The following KCNH8 variants were observed in gnomAD, a reference collection of about 807,000 sequenced individuals.
KCNH8 encodes voltage-gated delayed rectifier potassium channel KCNH8.
Under a neutral mutation model 103.6 loss-of-function variants are expected in KCNH8, and 70 were observed. That is an observed-to-expected ratio of 0.68 (90% CI 0.56 to 0.82). KCNH8 has a LOEUF of 0.82. KCNH8 is among the 40% of genes least tolerant of loss of function. The pLI is 0.00. For synonymous variants in KCNH8, 498 were observed against 489.4 expected, an observed-to-expected ratio of 1.02 and a Z score of -0.23; for missense variants, 1,217 against 1,329.9, an observed-to-expected ratio of 0.92 and a Z score of 1.32.
At chr3:19,186,526 G>T (rs1394169152) in intron 1 of KCNH8, among the ~76,000 whole-genome samples, 1 of 151,870 alleles carries the variant, frequency 6.6e-6, no homozygotes, top group Admixed American at 6.6e-5. Context: ...TCTGTGCCCT[G>T]CCCTCACATG....
chr3:19,332,083 G>A (rs149285068), intron 3 of KCNH8, among the ~76,000 whole-genome samples: 37 of 145,596 alleles, frequency 2.5e-4, no homozygotes, highest in East Asian at 1.4e-3. Context: ...TACACTTCAC[G>A]TGTGTGAACT....
chr3:19,391,548 T>A (rs577562801), intron 6 of KCNH8: 2 of 152,210 alleles, frequency 1.3e-5, no homozygotes, highest in African/African-American at 4.8e-5. Flanking sequence ...TTTTAAATAT[T>A]AAACACAATA....
intron 1 of KCNH8, among the ~76,000 whole-genome samples, chr3:19,200,583 T>C (rs1245900217): frequency 1.3e-5 from 2 of 151,936 alleles, no homozygotes; most frequent in African/African-American, 2.4e-5. Flanking sequence ...AACCATGGTT[T>C]TCAATTTTAC....
chr3:19,427,953 G>A lies in KCNH8; in HGVS notation c.1178-10211G>A, dbSNP rs115092375. Among the ~76,000 whole-genome samples, 1,314 of 152,248 alleles carry A rather than the reference G, an allele frequency of 8.6e-3. 26 individuals are homozygous for A. Among genetic ancestry groups the A allele is most frequent in the African/African-American group, 0.03 (1,230 of 41,544 alleles). ...TAGCTATTTCTATGAAAGAGATGAAGTCAGTCAGAAGTTCATTAATATCAA... is the reference window on the plus strand; with the variant it reads ...TAGCTATTTCTATGAAAGAGATGAAATCAGTCAGAAGTTCATTAATATCAA... On this transcript the variant is annotated intron_variant, in intron 7 of 15. Transcript: ENST00000328405.
chr3:19,301,872 AC>A (rs2065068603), intron 3 of KCNH8, among the ~76,000 whole-genome samples: 1 of 152,190 alleles, frequency 6.6e-6, no homozygotes, highest in African/African-American at 2.4e-5. Flanking sequence ...CACTTTATTT[AC>A]ATTTACTAGT....
chr3:19,534,010 T>C lies in KCNH8; in HGVS notation c.3235T>C (p.Ser1079Pro). Residue 1079 changes from serine to proline, a missense_variant, in exon 16 of 16, where the codon TCA becomes CCA. Ser to Pro is a moderately conservative substitution (Grantham distance 74, BLOSUM62 -1). Around this residue, in one of 3 missense-constraint regions of KCNH8, gnomAD observed 558 missense variants for 495.8 expected, o/e 1.13. Coordinates refer to ENST00000328405, the MANE Select transcript of KCNH8 (RefSeq NM_144633.3). ...PGSWNQEGMA[S>P]ASTKPLENLP... ...ATCTTGGAACCAGGAAGGAATGGCA[T>C]CAGCTTCTACAAAACCTTTGGAGAA... The C allele has an allele frequency of 6.2e-7, 1 of 1,614,196 alleles. No individual in the cohort carries two copies. Among genetic ancestry groups the C allele is most frequent in the Non-Finnish European group, 8.5e-7 (1 of 1,180,032 alleles).
intron 7 of KCNH8, among the ~76,000 whole-genome samples, chr3:19,433,862 T>C (rs1012732507): frequency 2.6e-5 from 4 of 152,200 alleles, no homozygotes; most frequent in Non-Finnish European, 5.9e-5. Context: ...GCCTTATCCT[T>C]GATCACATCT....
chr3:19,392,800 C>T (rs1261108653), intron 6 of KCNH8, among the ~76,000 whole-genome samples: 2 of 151,952 alleles, frequency 1.3e-5, no homozygotes, highest in African/African-American at 4.8e-5. Flanking sequence ...ATGAATAAGA[C>T]ATAGGAATGT....
chr3:19,353,032 A>T (rs1313355941), intron 5 of KCNH8, among the ~76,000 whole-genome samples: 1 of 152,150 alleles, frequency 6.6e-6, no homozygotes, highest in African/African-American at 2.4e-5. Context: ...AATAGTCGCA[A>T]TAAAAATGAT....
At chr3:19,447,633 A>T (rs2067382015) in intron 8 of KCNH8, among the ~76,000 whole-genome samples, 1 of 152,060 alleles carries the variant, frequency 6.6e-6, no homozygotes, top group South Asian at 2.1e-4. Flanking sequence ...TAAGTATATT[A>T]AGGGTGCCTG....
intron 3 of KCNH8, among the ~76,000 whole-genome samples, chr3:19,326,391 A>T (rs556907109): frequency 6.8e-6 from 1 of 147,212 alleles, no homozygotes; most frequent in African/African-American, 2.5e-5. Context: ...ATAATAAATG[A>T]TTATGATTTA....
chr3:19,195,504 G>C (rs2063592045), intron 1 of KCNH8, among the ~76,000 whole-genome samples: 1 of 151,866 alleles, frequency 6.6e-6, no homozygotes, highest in South Asian at 2.1e-4. Flanking sequence ...AACTTCTTGG[G>C]TCTCAACACC....
intron 7 of KCNH8, among the ~76,000 whole-genome samples, chr3:19,397,281 G>A (rs748926217): frequency 1.3e-5 from 2 of 151,954 alleles, no homozygotes; most frequent in Non-Finnish European, 2.9e-5. Flanking sequence ...GTGGCAAGAA[G>A]AGCACTGGGC....
intron 11 of KCNH8, among the ~76,000 whole-genome samples, chr3:19,488,649 C>T (rs1205647773): frequency 6.6e-6 from 1 of 152,142 alleles, no homozygotes; most frequent in Non-Finnish European, 1.5e-5. Flanking sequence ...TTTTGAGCCC[C>T]TTTCTTTAGA....
intron 3 of KCNH8, among the ~76,000 whole-genome samples, chr3:19,320,315 T>C (rs1466930457): frequency 6.6e-6 from 1 of 152,058 alleles, no homozygotes; most frequent in Non-Finnish European, 1.5e-5. Context: ...TGTCTTTTAT[T>C]ACCTTAAGGT....
At chr3:19,437,765 C>T (rs1007146537) in intron 7 of KCNH8, among the ~76,000 whole-genome samples, 16 of 152,190 alleles carry the variant, frequency 1.1e-4, no homozygotes, top group Non-Finnish European at 2.1e-4. Flanking sequence ...CTTATCATCA[C>T]ATTGGGTTTT....
chr3:19,490,822 T>G (rs1241367614), intron 11 of KCNH8, among the ~76,000 whole-genome samples: 6 of 152,176 alleles, frequency 3.9e-5, no homozygotes, highest in Non-Finnish European at 5.9e-5. Context: ...TGGAAAACTC[T>G]GGATCACTGG....
At chr3:19,372,743 T>C (rs1480548565) in intron 5 of KCNH8, among the ~76,000 whole-genome samples, 2 of 152,162 alleles carry the variant, frequency 1.3e-5, no homozygotes, top group Admixed American at 1.3e-4. Flanking sequence ...ATATTGGCTG[T>C]GGGTTTGTCA....
chr3:19,276,689 T>G lies in KCNH8; in HGVS notation c.311-4509T>G, dbSNP rs555871832. On this transcript the variant is annotated intron_variant, in intron 2 of 15. Coordinates refer to ENST00000328405, the MANE Select transcript of KCNH8 (RefSeq NM_144633.3). ...TATTATTAGTTAGCTATTATGAGTT[T>G]TTATCTATTGACAAATATATTTTAG... Among the ~76,000 whole-genome samples, 263 of 152,276 alleles carry G rather than the reference T, an allele frequency of 1.7e-3. 3 individuals carry two copies. The highest frequency in any genetic ancestry group is 0.017 in the South Asian group (83 of 4,822).
Sources: gnomAD v4.1 joint callset for allele counts (sites outside exome capture counted in the v4.1 genomes callset) on GRCh38, gnomAD v4.1.1 for gene constraint, gnomAD v4.1.1 regional missense constraint, MANE v1.5 for transcripts, NCBI Gene and HGNC (gene_info 2026-07-23, HGNC 2026-07-21) for gene names.